CRADD: variants seen among roughly 807,000 people sequenced by gnomAD.
CRADD encodes CARD and death domain containing adaptor protein.
CRADD carries 9 observed loss-of-function variants against 15.5 expected under a neutral mutation model. The observed-to-expected ratio is 0.58, with a 90% CI of 0.35 to 1.01. The LOEUF is 1.01. Ranked by LOEUF, CRADD falls within the 50% of genes least tolerant of loss-of-function variation. The pLI, the probability that CRADD is intolerant of heterozygous loss-of-function variation, is 0.02. For synonymous variants in CRADD, 118 were observed against 107.6 expected (o/e 1.10, Z -0.60); for missense variants, 227 against 250.3 (o/e 0.91, Z 0.63).
intron 2 of CRADD, among the ~76,000 whole-genome samples, chr12:93,767,065 TTCTG>T (rs1957033762): frequency 6.6e-6 from 1 of 152,186 alleles, no homozygotes; most frequent in South Asian, 2.1e-4. Context: ...GCCTTGTCCT[TTCTG>T]TCTGGTTCTA....
In CRADD at chr12:93,838,214, G is replaced by GTTTTTTTTTTTTTTTTTTTTTTTTTTTT. The variant is rs66564800; in HGVS notation, c.299-11737_299-11736insTTTTTTTTTTTTTTTTTTTTTTTTTTTT. Among the ~76,000 whole-genome samples the GTTTTTTTTTTTTTTTTTTTTTTTTTTTT allele has an allele frequency of 1.5e-5, 2 of 130,604 alleles. 1 individual carries two copies. The allele number at this position is 130,604 out of a possible 152,430, so 85.7% of individuals were successfully genotyped here. A position where few individuals can be genotyped will look rare whatever the true frequency, so the allele number is the denominator to read the frequency against. ...GGTTCTAATTAGTTTTCCTTTTGAG[G>GTTTTTTTTTTTTTTTTTTTTTTTTTTTT]TTTTTTTTTTTTTTTTTTTCTTTTT... is the stretch of plus-strand genomic sequence containing the variant. On this transcript the variant is annotated intron_variant, in intron 2 of 2. Transcript: ENST00000332896.
At chr12:93,783,257 A>ATTG (rs1018788693) in intron 2 of CRADD, among the ~76,000 whole-genome samples, 1 of 147,394 alleles carries the variant, frequency 6.8e-6, no homozygotes, top group Non-Finnish European at 1.5e-5. Context: ...TATTATTATT[A>ATTG]TTATTATTAT....
At chr12:93,700,835 C>T (rs1955828781) in intron 2 of CRADD, among the ~76,000 whole-genome samples, 1 of 152,066 alleles carries the variant, frequency 6.6e-6, no homozygotes, top group South Asian at 2.1e-4. Context: ...CTCTCTTTGC[C>T]ACGTTAACTC....
At chr12:93,813,989 A>G (rs931193880) in intron 2 of CRADD, among the ~76,000 whole-genome samples, 64 of 152,216 alleles carry the variant, frequency 4.2e-4, no homozygotes, top group Non-Finnish European at 7.2e-4. Context: ...TCCTAGACCA[A>G]AAGTCCAAAT....
At chr12:93,703,989 T>TC (rs1555216113) in intron 2 of CRADD, among the ~76,000 whole-genome samples, 1 of 140,672 alleles carries the variant, frequency 7.1e-6, no homozygotes, top group Non-Finnish European at 1.5e-5. Context: ...TTTTTTTTTT[T>TC]TTTTTTTTTT....
At chr12:93,758,236 A>G (rs1956912860) in intron 2 of CRADD, among the ~76,000 whole-genome samples, 1 of 152,208 alleles carries the variant, frequency 6.6e-6, no homozygotes. Flanking sequence ...TTGAGATTAG[A>G]GTTTAGAATC....
rs553049929 is a variant in CRADD at position 93,689,556 on chromosome 12, T to C, written c.298+10484T>C. ...TTTGGGGCAGGTTTTACTCCTAGGCTTTATTTTGTTAATGTTATGAAAGAA... is the reference window on the plus strand; with the variant it reads ...TTTGGGGCAGGTTTTACTCCTAGGCCTTATTTTGTTAATGTTATGAAAGAA... On this transcript the variant is annotated intron_variant, in intron 2 of 2. Coordinates refer to ENST00000332896, the MANE Select transcript of CRADD (RefSeq NM_003805.5). 1.1e-4 allele frequency among the ~76,000 whole-genome samples: 16 copies of C among 152,332 alleles called. 1 individual carries two copies. The highest frequency in any genetic ancestry group is 6.2e-4 in the South Asian group (3 of 4,830).
intron 2 of CRADD, among the ~76,000 whole-genome samples, chr12:93,864,584 G>A (rs1384509646): frequency 6.6e-6 from 1 of 152,194 alleles, no homozygotes; most frequent in Non-Finnish European, 1.5e-5. Context: ...CAAAGTCAAG[G>A]ATAAAAGTGA....
At chr12:93,683,461 T>C (rs778762573) in intron 2 of CRADD, among the ~76,000 whole-genome samples, 2 of 152,234 alleles carry the variant, frequency 1.3e-5, no homozygotes, top group Non-Finnish European at 2.9e-5. Flanking sequence ...GGCATCAGCA[T>C]TGGATGTCTC....
chr12:93,702,556 C>T (rs1225529284), intron 2 of CRADD, among the ~76,000 whole-genome samples: 1 of 151,374 alleles, frequency 6.6e-6, no homozygotes, highest in Non-Finnish European at 1.5e-5. Context: ...CTGAGAATCC[C>T]AAATGCTAGG....
rs533920385 is a variant in CRADD at position 93,842,042 on chromosome 12, TAACTGA to T, written c.299-7926_299-7921del. Among the ~76,000 whole-genome samples the T allele has an allele frequency of 2.8e-4, 43 of 152,320 alleles. No homozygotes were observed. The South Asian group carries it at 7.0e-3, about 25-fold the overall frequency. ...CAACATCTCCTCTCATATCACAAAA[TAACTGA>T]AGTTGAGAAAGGAATTTCATAGTTA... is the stretch of plus-strand genomic sequence containing the variant. On this transcript the variant is annotated intron_variant, in intron 2 of 2. Transcript: ENST00000332896.
chr12:93,877,951 T>C (rs1355888614), intron 2 of CRADD, among the ~76,000 whole-genome samples: 1 of 152,138 alleles, frequency 6.6e-6, no homozygotes, highest in African/African-American at 2.4e-5. Context: ...CAACTGGTAA[T>C]GTCCTGAGTC....
chr12:93,873,097 A>G (rs1403681331), intron 2 of CRADD, among the ~76,000 whole-genome samples: 1 of 151,866 alleles, frequency 6.6e-6, no homozygotes, highest in Non-Finnish European at 1.5e-5. Context: ...TCAGTGTTTT[A>G]TAGTTTTCAT....
intron 2 of CRADD, among the ~76,000 whole-genome samples, chr12:93,839,231 A>T (rs2137038156): frequency 6.6e-6 from 1 of 152,186 alleles, no homozygotes; most frequent in African/African-American, 2.4e-5. Context: ...GAGCTTTTAG[A>T]TTGCTTCCAA....
At chr12:93,842,900 A>G (rs1465573478) in intron 2 of CRADD, among the ~76,000 whole-genome samples, 2 of 152,122 alleles carry the variant, frequency 1.3e-5, no homozygotes, top group Non-Finnish European at 2.9e-5. Context: ...TTGTCAGTAT[A>G]TATTGCCCCT....
chr12:93,712,289 C>T (rs1312688816), intron 2 of CRADD, among the ~76,000 whole-genome samples: 1 of 152,156 alleles, frequency 6.6e-6, no homozygotes, highest in African/African-American at 2.4e-5. Flanking sequence ...TCATTCTTTA[C>T]TACCTGAAAT....
chr12:93,882,420 CAAAAAAAAAAA>C (rs564407219), intron 2 of CRADD, among the ~76,000 whole-genome samples: 4 of 65,674 alleles, frequency 6.1e-5, no homozygotes, highest in African/African-American at 2.1e-4. Context: ...GACTCTGTCT[CAAAAAAAAAAA>C]AAAAAAAACG....
At chr12:93,695,828 G>A (rs1366428747) in intron 2 of CRADD, among the ~76,000 whole-genome samples, 4 of 152,108 alleles carry the variant, frequency 2.6e-5, no homozygotes, top group Non-Finnish European at 4.4e-5. Flanking sequence ...ACCAGGAGGC[G>A]GAAGTTGCAG....
intron 2 of CRADD, among the ~76,000 whole-genome samples, chr12:93,806,911 G>C (rs1322603507): frequency 6.6e-6 from 1 of 152,134 alleles, no homozygotes; most frequent in Non-Finnish European, 1.5e-5. Context: ...GTTATTTAAA[G>C]ATAATCCACA....
Sources: allele counts gnomAD v4.1 joint callset (sites outside exome capture counted in the v4.1 genomes callset), GRCh38; gene constraint gnomAD v4.1.1; transcripts MANE v1.5; gene names NCBI Gene and HGNC (gene_info 2026-07-23, HGNC 2026-07-21).